Variants in LMCD1 observed in about 807,000 individuals in gnomAD.
LMCD1 encodes LIM and cysteine rich domains 1, also known as LIM and cysteine-rich domains protein 1.
In LMCD1, 32 loss-of-function variants were observed where a neutral mutation model predicts 42.7. The observed-to-expected ratio is 0.75, with a 90% CI of 0.57 to 1.01. The LOEUF (loss-of-function observed/expected upper bound fraction) is 1.01. Among genes scored for constraint, LMCD1 ranks in the 50% least tolerant of loss-of-function variants. The pLI, the probability that LMCD1 is intolerant of heterozygous loss-of-function variation, is 0.00. For missense variants in LMCD1, 458 were observed against 483.1 expected, an observed-to-expected ratio of 0.95 and a Z score of 0.49; for synonymous variants, 178 against 184.9, an observed-to-expected ratio of 0.96 and a Z score of 0.30.
intron 4 of LMCD1, among the ~76,000 whole-genome samples, chr3:8,559,003 G>C (rs1327844427): frequency 6.7e-6 from 1 of 149,054 alleles, no homozygotes; most frequent in Non-Finnish European, 1.5e-5. Context: ...TACTGAGGCA[G>C]GCTCAACCCT....
At position 8,537,696 on chromosome 3, in the gene LMCD1, A is replaced by G. The variant is rs112402927; in HGVS notation, c.387+256A>G. Among the ~76,000 whole-genome samples, 14 of 152,300 alleles carry G rather than the reference A, an allele frequency of 9.2e-5. 1 individual carries two copies. The highest frequency in any genetic ancestry group is 3.1e-4 in the African/African-American group (13 of 41,582). Reference sequence around the variant, plus strand: ...CCAAGAGGCCTTGCAGCTCTAGTACAGGGGCATTTATTGTTCCATTTGGGC... The same window carrying G: ...CCAAGAGGCCTTGCAGCTCTAGTACGGGGGCATTTATTGTTCCATTTGGGC... On this transcript the variant is annotated intron_variant, in intron 3 of 5. Transcript: ENST00000157600.
chr3:8,536,951 C>G (rs1221249741), intron 2 of LMCD1, among the ~76,000 whole-genome samples: 1 of 152,196 alleles, frequency 6.6e-6, no homozygotes, highest in African/African-American at 2.4e-5. Flanking sequence ...CTCTTTTTAC[C>G]AGCACAAGTT....
intron 1 of LMCD1, among the ~76,000 whole-genome samples, chr3:8,513,853 GA>G (rs1215940226): frequency 2.6e-5 from 4 of 152,094 alleles, no homozygotes; most frequent in Admixed American, 2.0e-4. Flanking sequence ...TTGCTTTCAT[GA>G]AAAGATACCA....
At chr3:8,557,844 C>T (rs1016273836) in intron 4 of LMCD1, among the ~76,000 whole-genome samples, 7 of 152,164 alleles carry the variant, frequency 4.6e-5, no homozygotes, top group South Asian at 2.1e-4. Context: ...TCTGTCCATT[C>T]GGTGTCACTT....
At chr3:8,547,569 G>A (rs1305111323) in intron 3 of LMCD1, among the ~76,000 whole-genome samples, 1 of 152,140 alleles carries the variant, frequency 6.6e-6, no homozygotes, top group Non-Finnish European at 1.5e-5. Flanking sequence ...GTGTCCTCAG[G>A]TGATGTTGTC....
At chr3:8,536,785 T>C (rs1694514020) in intron 2 of LMCD1, among the ~76,000 whole-genome samples, 1 of 152,158 alleles carries the variant, frequency 6.6e-6, no homozygotes, top group African/African-American at 2.4e-5. Flanking sequence ...TGTTAATGAG[T>C]GGTCATGGCT....
At chr3:8,526,857 G>T (rs1211200482) in intron 1 of LMCD1, among the ~76,000 whole-genome samples, 1 of 152,144 alleles carries the variant, frequency 6.6e-6, no homozygotes, top group Non-Finnish European at 1.5e-5. Flanking sequence ...GGAAAAGATG[G>T]GACTAAAGAT....
At chr3:8,543,313 G>A (rs7629532) in intron 3 of LMCD1, among the ~76,000 whole-genome samples, 7 of 151,900 alleles carry the variant, frequency 4.6e-5, no homozygotes, top group Middle Eastern at 3.4e-3. Flanking sequence ...TCACTGCCCC[G>A]AGAGAAGCCC....
At chr3:8,527,275 G>T (rs1037077019) in intron 1 of LMCD1, among the ~76,000 whole-genome samples, 6 of 152,124 alleles carry the variant, frequency 3.9e-5, no homozygotes, top group Non-Finnish European at 7.4e-5. Flanking sequence ...GTAGATTTAG[G>T]ATACCCCACC....
intron 3 of LMCD1, among the ~76,000 whole-genome samples, chr3:8,543,979 G>T (rs1169365247): frequency 6.6e-6 from 1 of 152,202 alleles, no homozygotes; most frequent in Non-Finnish European, 1.5e-5. Context: ...TCCTAAGACG[G>T]GGTCAGGACG....
chr3:8,550,868 C>T, intron 4 of LMCD1: 4 of 985,118 alleles, frequency 4.1e-6, no homozygotes, highest in Non-Finnish European at 4.8e-6. Flanking sequence ...TCCCAAGAGA[C>T]ATGTGGATCT....
Position 8,537,456 on chromosome 3 carries a change from C to T in LMCD1, c.387+16C>T, listed in dbSNP as rs779131868. ...CCAGAAACTGGTAAGAGAGCTTCCC[C>T]AACCAAGCAGTTGTTTTCCTATCCT... On this transcript the variant is annotated intron_variant, in intron 3 of 5. Transcript: ENST00000157600. 20 of 1,543,104 alleles carry T rather than the reference C, an allele frequency of 1.3e-5. No homozygotes were observed. Among genetic ancestry groups the T allele is most frequent in the Non-Finnish European group, 1.6e-5 (18 of 1,143,856 alleles).
At chr3:8,536,608 C>G (rs114122346) in intron 2 of LMCD1, among the ~76,000 whole-genome samples, 1 of 152,130 alleles carries the variant, frequency 6.6e-6, no homozygotes, top group African/African-American at 2.4e-5. Context: ...GCTGAAGCTC[C>G]GAGGCTATGA....
chr3:8,565,077 AT>A (rs1441995942), intron 4 of LMCD1, among the ~76,000 whole-genome samples: 7 of 152,328 alleles, frequency 4.6e-5, no homozygotes, highest in African/African-American at 1.7e-4. Flanking sequence ...AATTAAAAAA[AT>A]TTAAATTGTT....
At chr3:8,562,730 T>C (rs549930878) in intron 4 of LMCD1, among the ~76,000 whole-genome samples, 7 of 152,302 alleles carry the variant, frequency 4.6e-5, no homozygotes, top group African/African-American at 1.7e-4. Context: ...TCCTAGTATT[T>C]ATCACACTCC....
rs1695201178 is a variant in LMCD1 at position 8,570,764 on chromosome 3, G to C, written c.*3166G>C. 1 of 152,184 alleles carries C rather than the reference G, an allele frequency of 6.6e-6. No individual in the cohort carries two copies. Among genetic ancestry groups the C allele is most frequent in the Non-Finnish European group, 1.5e-5 (1 of 68,048 alleles). The allele number at this position is 152,184 out of a possible 1,614,324, so 9.4% of individuals were successfully genotyped here. On this transcript the variant is annotated 3_prime_UTR_variant, in exon 6 of 6. Transcript: ENST00000157600. The stretch of plus-strand genomic sequence containing the variant: ...CTTCAAGAACAATCAGGGGCTCCCT[G>C]TTGCACACACAGAAAAAAATTGAAA...
rs1187864989 is a variant in LMCD1, at chr3:8,542,002, C to CTTTTTTT, written c.387+4580_387+4586dup. On this transcript the variant is annotated intron_variant, in intron 3 of 5. Transcript: ENST00000157600. Reference sequence around the variant, plus strand: ...CCATGCAAAGACAGAGAGGCTGGAGCTTTTTTTTTTTTTTTTTTTTTTTTG... The same window carrying CTTTTTTT: ...CCATGCAAAGACAGAGAGGCTGGAGCTTTTTTTTTTTTTTTTTTTTTTTTTTTTTTTG... Among the ~76,000 whole-genome samples, 116 of 76,716 alleles carry CTTTTTTT rather than the reference C, an allele frequency of 1.5e-3. 1 individual carries two copies. The highest frequency in any genetic ancestry group is 1.6e-3 in the African/African-American group (28 of 17,912). 50.3% of individuals were successfully genotyped at this position (76,716 alleles called of 152,430 possible). A position where few individuals can be genotyped will look rare whatever the true frequency, so the allele number is the denominator to read the frequency against.
intron 4 of LMCD1, among the ~76,000 whole-genome samples, chr3:8,564,978 T>C (rs993029574): frequency 6.6e-6 from 1 of 152,254 alleles, no homozygotes; most frequent in East Asian, 1.9e-4. Context: ...AATTTTCTTC[T>C]ACTTTTTTTG....
intron 4 of LMCD1, among the ~76,000 whole-genome samples, chr3:8,549,699 G>C (rs1351093195): frequency 6.6e-6 from 1 of 152,162 alleles, no homozygotes; most frequent in African/African-American, 2.4e-5. Flanking sequence ...AATTTATAAA[G>C]AAAAGGAATG....
Sources: allele counts gnomAD v4.1 joint callset (sites outside exome capture counted in the v4.1 genomes callset), GRCh38; gene constraint gnomAD v4.1.1; transcripts MANE v1.5; gene names NCBI Gene and HGNC (gene_info 2026-07-23, HGNC 2026-07-21).